GRM8: variants seen among roughly 807,000 people sequenced by gnomAD.
GRM8 encodes the protein glutamate metabotropic receptor 8, also known as metabotropic glutamate receptor 8.
Under a neutral mutation model 87.2 loss-of-function variants are expected in GRM8, and 47 were observed. The observed-to-expected ratio is 0.54, with a 90% CI of 0.43 to 0.69. The LOEUF (loss-of-function observed/expected upper bound fraction) is 0.69, where lower values mean the gene tolerates loss of function less well. GRM8 is among the 30% of genes least tolerant of loss of function. The probability of loss-of-function intolerance (pLI) is 0.00; values close to 1 mark genes in which losing one functional copy is unlikely to be tolerated. For missense variants in GRM8, 1,019 were observed against 1,139.2 expected (o/e 0.89, Z 1.52); for synonymous variants, 396 against 404.5 (o/e 0.98, Z 0.25).
chr7:127,192,814 A>T (rs747988271), intron 2 of GRM8, among the ~76,000 whole-genome samples: 1 of 152,076 alleles, frequency 6.6e-6, no homozygotes, highest in Non-Finnish European at 1.5e-5. Context: ...GCAAGTCCAC[A>T]CCTTCTGCTT....
chr7:126,533,956 G>A, intron 8 of GRM8, 69 bp from the exon 9 acceptor site: 6 of 1,131,156 alleles, frequency 5.3e-6, no homozygotes, highest in African/African-American at 1.6e-5. Flanking sequence ...CCTAGCCACG[G>A]GTTTGTAATG....
rs532933455 is a variant in GRM8 at position 126,509,403 on chromosome 7, G to A, written c.2430+23549C>T. ...TATTTGTCCAGGTAATGGCTGATAC[G>A]CACATAAATAAATTGAACGTGGAGA... On this transcript the variant is annotated intron_variant, in intron 9 of 10. Transcript: ENST00000339582. 6.6e-5 allele frequency among the ~76,000 whole-genome samples: 10 copies of A among 152,060 alleles called. No homozygotes were observed. The South Asian group carries it at 1.7e-3, about 25-fold the overall frequency.
At chr7:126,536,671 G>A (rs1436197925) in intron 8 of GRM8, among the ~76,000 whole-genome samples, 2 of 152,062 alleles carry the variant, frequency 1.3e-5, no homozygotes, top group Non-Finnish European at 2.9e-5. Context: ...AAAATGAAAT[G>A]CTCCACTGGG....
At chr7:126,898,282 C>T (rs1003147913) in intron 6 of GRM8, among the ~76,000 whole-genome samples, 1 of 152,172 alleles carries the variant, frequency 6.6e-6, no homozygotes, top group African/African-American at 2.4e-5. Context: ...CTTTCAAGTA[C>T]ATTTGACCAC....
intron 3 of GRM8, among the ~76,000 whole-genome samples, chr7:127,018,366 AAC>A (rs1175559832): frequency 4.0e-5 from 6 of 151,712 alleles, no homozygotes; most frequent in African/African-American, 1.2e-4. Context: ...AGAAGAGGAA[AAC>A]ACACAATGGA....
At chr7:126,817,737 T>C (rs187065272) in intron 6 of GRM8, among the ~76,000 whole-genome samples, 55 of 152,050 alleles carry the variant, frequency 3.6e-4, no homozygotes, top group African/African-American at 1.2e-3. Flanking sequence ...GAAAGGGAGG[T>C]CGTTTGAGCA....
intron 7 of GRM8, among the ~76,000 whole-genome samples, chr7:126,687,989 T>C (rs962351549): frequency 6.6e-6 from 1 of 152,142 alleles, no homozygotes; most frequent in Non-Finnish European, 1.5e-5. Context: ...TTAATACTCA[T>C]TGATTTGTAG....
intron 6 of GRM8, among the ~76,000 whole-genome samples, chr7:126,832,970 T>C (rs1301972571): frequency 6.6e-6 from 1 of 152,388 alleles, no homozygotes; most frequent in East Asian, 1.9e-4. Context: ...CATGATTTTA[T>C]GTTGAAGACT....
At chr7:127,214,045 T>C (rs1796373611) in intron 2 of GRM8, among the ~76,000 whole-genome samples, 1 of 152,234 alleles carries the variant, frequency 6.6e-6, no homozygotes, top group African/African-American at 2.4e-5. Context: ...TATGAAGTTC[T>C]TTTATCCTTT....
intron 6 of GRM8, among the ~76,000 whole-genome samples, chr7:126,859,055 G>C (rs1797929053): frequency 6.6e-6 from 1 of 151,706 alleles, no homozygotes; most frequent in Admixed American, 6.6e-5. Context: ...CTCCCTAAAG[G>C]CAGCAGGGTT....
At chr7:126,755,042 C>A (rs1457513984) in intron 7 of GRM8, among the ~76,000 whole-genome samples, 2 of 151,874 alleles carry the variant, frequency 1.3e-5, no homozygotes, top group Non-Finnish European at 2.9e-5. Context: ...AACTTTGTAG[C>A]TCATTTGAAA....
rs149442355 is a variant in GRM8 at position 126,887,982 on chromosome 7, C to T, written c.1156+14560G>A. ...CATGCCAGAATCCAAGGAGGCTGTC[C>T]ATGTATTGACATGCAAACTAACACT... On this transcript the variant is annotated intron_variant, in intron 6 of 10. Coordinates refer to ENST00000339582, the MANE Select transcript of GRM8 (RefSeq NM_000845.3). 2.2e-3 allele frequency among the ~76,000 whole-genome samples: 339 copies of T among 152,200 alleles called. 2 individuals carry two copies. Among genetic ancestry groups the T allele is most frequent in the Non-Finnish European group, 4.1e-3 (276 of 67,988 alleles).
chr7:126,497,741 G>T (rs1356805984), intron 9 of GRM8, among the ~76,000 whole-genome samples: 1 of 151,936 alleles, frequency 6.6e-6, no homozygotes, highest in African/African-American at 2.4e-5. Context: ...TGCAACGTTG[G>T]GTTAAACCCG....
At chr7:126,582,504 T>C (rs1050724627) in intron 8 of GRM8, among the ~76,000 whole-genome samples, 1 of 152,084 alleles carries the variant, frequency 6.6e-6, no homozygotes, top group Admixed American at 6.6e-5. Flanking sequence ...GCAATCTAGA[T>C]AAGATAATGA....
At chr7:126,447,234 T>C (rs1396603351) in intron 9 of GRM8, 2 of 151,930 alleles carry the variant, frequency 1.3e-5, no homozygotes, top group Non-Finnish European at 2.9e-5. Context: ...GCTTTTTCTT[T>C]TTTGGTTATG....
intron 3 of GRM8, among the ~76,000 whole-genome samples, chr7:127,009,509 T>C (rs942440931): frequency 6.6e-6 from 1 of 152,082 alleles, no homozygotes; most frequent in African/African-American, 2.4e-5. Context: ...TGGTACCTCA[T>C]AGAAAACCTC....
At chr7:126,803,490 C>T (rs1031621541) in intron 6 of GRM8, among the ~76,000 whole-genome samples, 1 of 151,586 alleles carries the variant, frequency 6.6e-6, no homozygotes, top group Non-Finnish European at 1.5e-5. Flanking sequence ...AAATCAAAGT[C>T]AAAAAAAATT....
At chr7:126,477,581 G>GAAA (rs1355991858) in intron 9 of GRM8, among the ~76,000 whole-genome samples, 814 of 79,180 alleles carry the variant, frequency 0.01, 6 homozygotes, top group Non-Finnish European at 0.015. Flanking sequence ...GAAAGAAAGA[G>GAAA]AGAAAGAAAG....
At chr7:127,045,352 C>G (rs1477335916) in intron 3 of GRM8, among the ~76,000 whole-genome samples, 2 of 150,198 alleles carry the variant, frequency 1.3e-5, no homozygotes, top group African/African-American at 4.9e-5. Context: ...TTTGATCTAT[C>G]ATATATCCCA....
Sources: gnomAD v4.1 joint callset for allele counts (sites outside exome capture counted in the v4.1 genomes callset) on GRCh38, gnomAD v4.1.1 for gene constraint, MANE v1.5 for transcripts, NCBI Gene and HGNC (gene_info 2026-07-23, HGNC 2026-07-21) for gene names.